ADAMTS2: variants seen among roughly 807,000 people sequenced by gnomAD.
ADAMTS2 encodes the protein A disintegrin and metalloproteinase with thrombospondin motifs 2.
Under a neutral mutation model 123.0 loss-of-function variants are expected in ADAMTS2, and 50 were observed. The observed-to-expected ratio is 0.41, with a 90% CI of 0.32 to 0.51. The LOEUF is 0.51. Ranked by LOEUF, ADAMTS2 falls within the 20% of genes least tolerant of loss-of-function variation. The pLI is 0.35. For missense variants in ADAMTS2, 1,494 were observed against 1,705.2 expected, an observed-to-expected ratio of 0.88 and a Z score of 2.18; for synonymous variants, 678 against 695.4, an observed-to-expected ratio of 0.98 and a Z score of 0.39.
At chr5:179,224,573 C>T (rs1765231138) in intron 3 of ADAMTS2, among the ~76,000 whole-genome samples, 3 of 152,198 alleles carry the variant, frequency 2.0e-5, no homozygotes, top group Admixed American at 2.0e-4. Context: ...ATATTTTGCT[C>T]CCGTGAGAAA....
At chr5:179,224,043 G>T (rs1267718761) in intron 3 of ADAMTS2, among the ~76,000 whole-genome samples, 2 of 152,236 alleles carry the variant, frequency 1.3e-5, no homozygotes, top group Non-Finnish European at 2.9e-5. Context: ...AGACAGGACA[G>T]GGTAGGACGA....
chr5:179,268,783 G>T (rs1157903914), intron 3 of ADAMTS2, among the ~76,000 whole-genome samples: 3 of 152,206 alleles, frequency 2.0e-5, no homozygotes, highest in Non-Finnish European at 2.9e-5. Flanking sequence ...CCCTGGGGAG[G>T]CCTAAGTGAA....
chr5:179,244,257 A>T (rs1393153706), intron 3 of ADAMTS2, among the ~76,000 whole-genome samples: 2 of 152,212 alleles, frequency 1.3e-5, no homozygotes, highest in Non-Finnish European at 2.9e-5. Context: ...ACAAAGAGAA[A>T]ATTCTGAAAG....
At chr5:179,236,337 G>A (rs469090) in intron 3 of ADAMTS2, among the ~76,000 whole-genome samples, 15,136 of 152,142 alleles carry the variant, frequency 0.099, 1,075 homozygotes, top group Admixed American at 0.23. Flanking sequence ...AGCCACTCCC[G>A]TAAGGGTGAA....
chr5:179,179,193 C>T, intron 5 of ADAMTS2, among the ~76,000 whole-genome samples: 1 of 151,788 alleles, frequency 6.6e-6, no homozygotes, highest in Non-Finnish European at 1.5e-5. Context: ...GTGATCTACC[C>T]ACCTTGGCCT....
At chr5:179,195,203 G>A (rs1362023271) in intron 4 of ADAMTS2, among the ~76,000 whole-genome samples, 9 of 152,180 alleles carry the variant, frequency 5.9e-5, no homozygotes, top group African/African-American at 1.9e-4. Context: ...AGGGAGTGCC[G>A]AACATGACTG....
In ADAMTS2 at chr5:179,320,873, T is replaced by C. The variant is rs1243740028; in HGVS notation, c.534+22894A>G. ...GGGTTGTTGCCCTGTGAGGAGGTAA[T>C]GCAGCAGCTGCCTGCATCCATTTTT... On this transcript the variant is annotated intron_variant, in intron 2 of 21. Transcript: ENST00000251582. Among the ~76,000 whole-genome samples, 23 of 152,080 alleles carry C rather than the reference T, an allele frequency of 1.5e-4. 1 individual carries two copies. Among genetic ancestry groups the C allele is most frequent in the Admixed American group, 1.5e-3 (23 of 15,278 alleles).
At chr5:179,182,045 G>T (rs1764063105) in intron 4 of ADAMTS2, among the ~76,000 whole-genome samples, 1 of 152,052 alleles carries the variant, frequency 6.6e-6, no homozygotes. Context: ...CTCCTTTGTT[G>T]GTTAACCAAA....
intron 3 of ADAMTS2, among the ~76,000 whole-genome samples, chr5:179,210,886 C>T (rs1581193171): frequency 6.6e-6 from 1 of 152,382 alleles, no homozygotes; most frequent in African/African-American, 2.4e-5. Flanking sequence ...ATCACGAGTG[C>T]CACCTCAGTT....
intron 3 of ADAMTS2, among the ~76,000 whole-genome samples, chr5:179,236,633 T>C (rs1561614913): frequency 6.6e-6 from 1 of 151,772 alleles, no homozygotes; most frequent in Non-Finnish European, 1.5e-5. Flanking sequence ...TCCATACACA[T>C]AAAAAAAATT....
intron 2 of ADAMTS2, among the ~76,000 whole-genome samples, chr5:179,274,647 G>T (rs996737932): frequency 6.6e-6 from 1 of 152,206 alleles, no homozygotes; most frequent in Admixed American, 6.5e-5. Flanking sequence ...CCAGGTGCTC[G>T]GTGAGCCCCA....
At chr5:179,231,423 A>G (rs1765410068) in intron 3 of ADAMTS2, among the ~76,000 whole-genome samples, 1 of 152,240 alleles carries the variant, frequency 6.6e-6, no homozygotes. Context: ...AAACAACAAC[A>G]GCAACAGAAA....
chr5:179,298,001 G>C (rs1756390841), intron 2 of ADAMTS2, among the ~76,000 whole-genome samples: 1 of 151,872 alleles, frequency 6.6e-6, no homozygotes, highest in Non-Finnish European at 1.5e-5. Context: ...CTCCTCCCCA[G>C]GGCCCCGGGG....
chr5:179,264,764 C>T (rs991953645), intron 3 of ADAMTS2, among the ~76,000 whole-genome samples: 3 of 152,294 alleles, frequency 2.0e-5, no homozygotes, highest in African/African-American at 7.2e-5. Flanking sequence ...CCAGCAGCCC[C>T]TGTGCCACTG....
At chr5:179,247,517 C>T (rs1320957469) in intron 3 of ADAMTS2, among the ~76,000 whole-genome samples, 1 of 152,198 alleles carries the variant, frequency 6.6e-6, no homozygotes, top group African/African-American at 2.4e-5. Flanking sequence ...TGATTCTACA[C>T]ATCCAAGGAG....
At chr5:179,330,500 T>C (rs887852762) in intron 2 of ADAMTS2, among the ~76,000 whole-genome samples, 11 of 152,218 alleles carry the variant, frequency 7.2e-5, no homozygotes, top group Non-Finnish European at 1.5e-4. Context: ...TTAATGTCCC[T>C]AGTCCCGAGA....
Position 179,153,574 on chromosome 5 carries a change from G to C in ADAMTS2, c.1432C>G (p.Leu478Val), listed in dbSNP as rs776205349. 1.2e-6 allele frequency: 2 copies of C among 1,608,950 alleles called. No individual in the cohort carries two copies. Among genetic ancestry groups the C allele is most frequent in the South Asian group, 2.2e-5 (2 of 90,988 alleles). ...TAGTGCAGTCCCGGGAGCTGGGGCA[G>C]CGCCGGCCAGTCGTGGGCGAAGGGG... is the stretch of plus-strand genomic sequence containing the variant. Reference protein sequence around the residue: ...DDPFAHDWPALPQLPGLHYSM... With the variant: ...DDPFAHDWPAVPQLPGLHYSM... The change falls in exon 9 of 22, where the codon CTG (leucine) becomes GTG (valine). Residue 478 changes from leucine (L) to valine (V), a missense_variant. Leu to Val is a conservative substitution (Grantham distance 32). This residue lies in a region of ADAMTS2 where 953 missense variants were observed against 1,124.7 expected (regional missense o/e 0.85). Coordinates refer to ENST00000251582, the MANE Select transcript of ADAMTS2 (RefSeq NM_014244.5).
At chr5:179,224,077 T>C (rs529939137) in intron 3 of ADAMTS2, among the ~76,000 whole-genome samples, 7 of 152,290 alleles carry the variant, frequency 4.6e-5, no homozygotes, top group African/African-American at 1.4e-4. Flanking sequence ...TGCGGGCGGA[T>C]TGTCTGTATC....
At chr5:179,237,406 G>A (rs556794120) in intron 3 of ADAMTS2, among the ~76,000 whole-genome samples, 2 of 152,320 alleles carry the variant, frequency 1.3e-5, no homozygotes, top group Admixed American at 1.3e-4. Context: ...CACAAAATCT[G>A]CCAGCACTTT....
Sources: allele counts gnomAD v4.1 joint callset (sites outside exome capture counted in the v4.1 genomes callset), GRCh38; gene constraint gnomAD v4.1.1; regional missense constraint gnomAD v4.1.1; transcripts MANE v1.5; gene names NCBI Gene and HGNC (gene_info 2026-07-23, HGNC 2026-07-21).